Variants in RORA observed in about 807,000 individuals in gnomAD.
The protein encoded by RORA is nuclear receptor ROR-alpha.
RORA carries 7 observed loss-of-function variants against 69.5 expected under a neutral mutation model. The observed-to-expected ratio is 0.10, with a 90% CI of 0.06 to 0.19. The LOEUF (loss-of-function observed/expected upper bound fraction) is 0.19, where lower values mean the gene tolerates loss of function less well. Ranked by LOEUF, RORA falls within the 10% of genes least tolerant of loss-of-function variation. RORA has a pLI of 1.00. For missense variants in RORA, 457 were observed against 663.0 expected (o/e 0.69, Z 3.41); for synonymous variants, 261 against 240.8 (o/e 1.08, Z -0.78).
At chr15:60,784,487 G>GTGTC (rs1038401896) in intron 1 of RORA, among the ~76,000 whole-genome samples, 7 of 152,172 alleles carry the variant, frequency 4.6e-5, no homozygotes, top group African/African-American at 1.4e-4. Flanking sequence ...TTCCATCACT[G>GTGTC]TGTCTGTCTG....
chr15:61,143,250 A>T (rs2079317285), intron 1 of RORA, among the ~76,000 whole-genome samples: 2 of 152,248 alleles, frequency 1.3e-5, no homozygotes, highest in East Asian at 3.9e-4. Context: ...TTAAAAAAAT[A>T]AATTTAGAAA....
intron 2 of RORA, among the ~76,000 whole-genome samples, chr15:60,579,400 G>A (rs1038364072): frequency 1.3e-5 from 2 of 151,908 alleles, no homozygotes; most frequent in African/African-American, 4.8e-5. Context: ...ATGTCCTTGT[G>A]GGGTTCACGT....
intron 1 of RORA, among the ~76,000 whole-genome samples, chr15:60,942,161 T>C (rs980905750): frequency 6.6e-6 from 1 of 152,176 alleles, no homozygotes; most frequent in Non-Finnish European, 1.5e-5. Context: ...CAGCTCATCA[T>C]AAACGTAACT....
chr15:61,197,683 T>C (rs1017060229), intron 1 of RORA, among the ~76,000 whole-genome samples: 4 of 152,146 alleles, frequency 2.6e-5, no homozygotes, highest in Admixed American at 1.3e-4. Flanking sequence ...ATCAATCCCA[T>C]GGGCCATGTT....
chr15:60,611,559 CAAAAAAAAAAAAAAAAAAA>C (rs533598270), intron 2 of RORA, among the ~76,000 whole-genome samples: 32 of 35,810 alleles, frequency 8.9e-4, no homozygotes, highest in Non-Finnish European at 2.8e-4. Context: ...TTGAGTTTTG[CAAAAAAAAAAAAAAAAAAA>C]AAAAAAAAAA....
chr15:60,806,574 G>C (rs116692455), intron 1 of RORA, among the ~76,000 whole-genome samples: 1 of 152,152 alleles, frequency 6.6e-6, no homozygotes, highest in African/African-American at 2.4e-5. Context: ...GGATCTATAA[G>C]ACTTGGTAGT....
At chr15:61,216,935 G>A (rs936621805) in intron 1 of RORA, among the ~76,000 whole-genome samples, 2 of 152,132 alleles carry the variant, frequency 1.3e-5, no homozygotes, top group Non-Finnish European at 2.9e-5. Flanking sequence ...CTCCCAACAC[G>A]TCCAGCTTTG....
At chr15:60,500,357 ATCCTGCTAGCT>A (rs2065292895) in intron 9 of RORA, among the ~76,000 whole-genome samples, 1 of 152,158 alleles carries the variant, frequency 6.6e-6, no homozygotes, top group South Asian at 2.1e-4. Context: ...TTCATTATCG[ATCCTGCTAGCT>A]TTTTTGAAAA....
chr15:60,516,153 A>ATTATAT (rs2065920239), intron 3 of RORA, among the ~76,000 whole-genome samples: 2 of 31,558 alleles, frequency 6.3e-5, no homozygotes, highest in Non-Finnish European at 5.3e-5. Flanking sequence ...ATATTTATAT[A>ATTATAT]TATATATTTA....
intron 2 of RORA, among the ~76,000 whole-genome samples, chr15:60,588,080 T>C (rs939721287): frequency 2.0e-5 from 3 of 152,146 alleles, no homozygotes; most frequent in Non-Finnish European, 4.4e-5. Context: ...AGACAGAACT[T>C]GTAAATCATT....
At chr15:60,982,853 G>T (rs938949346) in intron 1 of RORA, among the ~76,000 whole-genome samples, 1 of 152,012 alleles carries the variant, frequency 6.6e-6, no homozygotes, top group Admixed American at 6.6e-5. Context: ...TTTTTTTCTA[G>T]CTTTTATAGA....
chr15:61,156,010 G>C (rs1255240787), intron 1 of RORA, among the ~76,000 whole-genome samples: 1 of 152,108 alleles, frequency 6.6e-6, no homozygotes, highest in Non-Finnish European at 1.5e-5. Context: ...TGTTAATCCA[G>C]CTGTAACCAT....
At chr15:60,995,007 C>G (rs2140373438) in intron 1 of RORA, among the ~76,000 whole-genome samples, 1 of 152,160 alleles carries the variant, frequency 6.6e-6, no homozygotes, top group African/African-American at 2.4e-5. Flanking sequence ...TGTCTCTCTA[C>G]AGACAGGTCA....
intron 2 of RORA, among the ~76,000 whole-genome samples, chr15:60,664,179 G>A (rs1378893051): frequency 6.6e-6 from 1 of 152,168 alleles, no homozygotes; most frequent in Non-Finnish European, 1.5e-5. Context: ...ACAGGATTAG[G>A]TAACTTCCAC....
chr15:61,137,047 G>GAAAGAAAT (rs2079249299), intron 1 of RORA, among the ~76,000 whole-genome samples: 1 of 141,466 alleles, frequency 7.1e-6, no homozygotes, highest in African/African-American at 2.8e-5. Context: ...AAGAAAGAAA[G>GAAAGAAAT]AAAGAAAGAA....
intron 1 of RORA, among the ~76,000 whole-genome samples, chr15:60,757,523 G>A (rs917961157): frequency 2.6e-5 from 4 of 152,088 alleles, no homozygotes; most frequent in African/African-American, 4.8e-5. Flanking sequence ...TGTATCACTG[G>A]CTAAGTCCTG....
At chr15:60,711,521 A>G (rs2071143775) in intron 1 of RORA, among the ~76,000 whole-genome samples, 1 of 152,104 alleles carries the variant, frequency 6.6e-6, no homozygotes, top group Admixed American at 6.5e-5. Flanking sequence ...CCATTTTTGC[A>G]TCCTTCCTTC....
intron 2 of RORA, among the ~76,000 whole-genome samples, chr15:60,539,230 G>T (rs2066781244): frequency 1.3e-5 from 2 of 152,142 alleles, no homozygotes; most frequent in Admixed American, 1.3e-4. Context: ...AAGGAAGCCA[G>T]GCACATCTTC....
intron 3 of RORA, among the ~76,000 whole-genome samples, chr15:60,516,430 C>T (rs924064478): frequency 1.4e-5 from 2 of 147,450 alleles, no homozygotes; most frequent in East Asian, 4.0e-4. Context: ...AGTGGCTTTG[C>T]AAGCTAGGGA....
Sources: gnomAD v4.1 joint callset for allele counts (sites outside exome capture counted in the v4.1 genomes callset) on GRCh38, gnomAD v4.1.1 for gene constraint, MANE v1.5 for transcripts, NCBI Gene and HGNC (gene_info 2026-07-23, HGNC 2026-07-21) for gene names.